Variants in CIAO2B observed in about 807,000 individuals in gnomAD.
CIAO2B encodes MSS19-interacting protein of 18 kDa.
A neutral mutation model predicts 16.4 loss-of-function variants in CIAO2B; 20 were observed. The observed-to-expected ratio is 1.22, with a 90% CI of 0.86 to 1.77. The LOEUF (loss-of-function observed/expected upper bound fraction) is 1.77. Among genes scored for constraint, CIAO2B ranks in the 40% most tolerant of loss-of-function variants. The pLI is 0.00. For synonymous variants in CIAO2B, 106 were observed against 90.4 expected, an observed-to-expected ratio of 1.17 and a Z score of -0.98; for missense variants, 215 against 222.4, an observed-to-expected ratio of 0.97 and a Z score of 0.21.
rs1002764377 is a variant in CIAO2B at position 66,932,782 on chromosome 16, G to A, written c.392C>T (p.Ala131Val). ...CCTCACCACCAGTCCACACTTACCT[G>A]CATGCTCTGAGGCATGGGTCCCCGG... The part of the protein sequence containing the change: ...ITPGTHASEH[A>V]VNKQLADKER... Residue 131 changes from alanine (A) to valine (V), a missense_variant and splice_region_variant, in exon 4 of 5, where the codon GCA becomes GTA. Ala to Val is a moderately conservative substitution (Grantham distance 64). Transcript: ENST00000422424. 6.2e-7 allele frequency: 1 copy of A among 1,610,386 alleles called. No individual in the cohort carries two copies. The highest frequency in any genetic ancestry group is 8.5e-7 in the Non-Finnish European group (1 of 1,178,392).
intron 2 of CIAO2B, 23 bp from the exon 3 acceptor site, chr16:66,933,762 A>G (rs768292955): frequency 3.9e-6 from 6 of 1,552,188 alleles, no homozygotes. Flanking sequence ...GAGAGATGTC[A>G]AGAGTCAACC....
Position 66,934,213 on chromosome 16 carries a change from C to A in CIAO2B, c.142+10G>T. 6.2e-7 allele frequency: 1 copy of A among 1,608,110 alleles called. No homozygotes were observed. Among genetic ancestry groups the A allele is most frequent in the Non-Finnish European group, 8.5e-7 (1 of 1,177,596 alleles). On this transcript the variant is annotated intron_variant, in intron 1 of 4. Coordinates refer to ENST00000422424, the MANE Select transcript of CIAO2B (RefSeq NM_016062.4). The surrounding 1 kb of genome is among the most constrained non-coding windows in gnomAD (Gnocchi z 4.1). ...CCCGGAACCCGCCCGCGCCCAGCAG[C>A]GGCGGATATCGAAGATCTCGCGTGC...
chr16:66,934,093 G>C lies in CIAO2B; in HGVS notation c.143-27C>G. The C allele has an allele frequency of 6.2e-7, 1 of 1,613,002 alleles. No homozygotes were observed. Among genetic ancestry groups the C allele is most frequent in the Non-Finnish European group, 8.5e-7 (1 of 1,179,572 alleles). On this transcript the variant is annotated intron_variant, in intron 1 of 4. Transcript: ENST00000422424. The surrounding 1 kb of genome is among the most constrained non-coding windows in gnomAD (Gnocchi z 4.1). ...TGGGAAGTGAAGGAAAAGGGACTCTGCGCCCTTGCCCACTTAGAACCCTCT... is the reference window on the plus strand; with the variant it reads ...TGGGAAGTGAAGGAAAAGGGACTCTCCGCCCTTGCCCACTTAGAACCCTCT...
chr16:66,932,561 G>C (rs1442098240), intron 4 of CIAO2B: 1 of 727,664 alleles, frequency 1.4e-6, no homozygotes, highest in African/African-American at 1.7e-5. Flanking sequence ...CTGTATATTT[G>C]GTGAGAGGGG....
At chr16:66,932,937 C>T in intron 3 of CIAO2B, 112 bp from the exon 4 acceptor site, 1 of 1,185,998 alleles carries the variant, frequency 8.4e-7, no homozygotes, top group African/African-American at 1.5e-5. Context: ...CTAATCATGC[C>T]TTTGGACTCT....
intron 3 of CIAO2B, 35 bp downstream of exon 3, chr16:66,933,579 C>T: frequency 6.2e-7 from 1 of 1,603,208 alleles, no homozygotes; most frequent in Non-Finnish European, 8.5e-7. Context: ...ACCCTCAATG[C>T]CTGGTCTCAC....
At position 66,932,784 on chromosome 16, in the gene CIAO2B, A is replaced by C. The variant is rs770087337; in HGVS notation, c.390T>G (p.His130Gln). 6.2e-6 allele frequency: 10 copies of C among 1,610,856 alleles called. No homozygotes were observed. Among genetic ancestry groups the C allele is most frequent in the South Asian group, 4.4e-5 (4 of 90,254 alleles). ...HITPGTHASE[H>Q]AVNKQLADKE... ...TCACCACCAGTCCACACTTACCTGC[A>C]TGCTCTGAGGCATGGGTCCCCGGAG... The change falls in exon 4 of 5, where the codon CAT becomes CAG. Residue 130 changes from histidine to glutamine, a missense_variant. Coordinates refer to ENST00000422424, the MANE Select transcript of CIAO2B (RefSeq NM_016062.4).
intron 2 of CIAO2B, 46 bp from the exon 3 acceptor site, chr16:66,933,785 A>G (rs1457537178): frequency 3.2e-6 from 5 of 1,548,600 alleles, no homozygotes; most frequent in Non-Finnish European, 4.4e-6. Context: ...CCTCAGCCCA[A>G]GGTCCCTCTT....
chr16:66,933,511 C>T, intron 3 of CIAO2B, 103 bp downstream of exon 3: 1 of 1,435,156 alleles, frequency 7.0e-7, no homozygotes, highest in African/African-American at 1.4e-5. Flanking sequence ...TCCTTCCAGG[C>T]CCCACTCTGA....
chr16:66,933,837 C>A, intron 2 of CIAO2B, 98 bp from the exon 3 acceptor site: 1 of 1,535,672 alleles, frequency 6.5e-7, no homozygotes, highest in Non-Finnish European at 8.8e-7. Context: ...CTTCTATGGG[C>A]CTCAGTTTCA....
At position 66,934,292 on chromosome 16, in the gene CIAO2B, C is replaced by G; in HGVS notation, c.73G>C (p.Glu25Gln). 1.2e-6 allele frequency: 2 copies of G among 1,608,186 alleles called. No homozygotes were observed. Among genetic ancestry groups the G allele is most frequent in the South Asian group, 1.1e-5 (1 of 90,928 alleles). ...TCCTCGCCTGCCGTCACAGGCCGCT[C>G]CCCAGAGCGCTGGTAGATGAGGGGG... is the stretch of plus-strand genomic sequence containing the variant. ...ANPLIYQRSG[E>Q]RPVTAGEEDE... is the part of the protein sequence containing the mutation. Residue 25 changes from glutamate to glutamine, a missense_variant, in exon 1 of 5, where the codon GAG becomes CAG. Glu to Gln is a conservative substitution (Grantham distance 29). Coordinates refer to ENST00000422424, the MANE Select transcript of CIAO2B (RefSeq NM_016062.4). The surrounding 1 kb of genome is among the most constrained non-coding windows in gnomAD (Gnocchi z 4.1).
rs745848779 is a variant in CIAO2B, at chr16:66,933,743, G to C, written c.223-4C>G. On this transcript the variant is annotated splice_region_variant and splice_polypyrimidine_tract_variant and intron_variant, in intron 2 of 4. Transcript: ENST00000422424. ...CTGTACTCTCGGGGTCGCTAACCTG[G>C]TTGTGGAGGAGAGATGTCAAGAGTC... 6.5e-7 allele frequency: 1 copy of C among 1,541,542 alleles called. No individual in the cohort carries two copies. The highest frequency in any genetic ancestry group is 8.8e-7 in the Non-Finnish European group (1 of 1,140,954).
chr16:66,933,296 T>C (rs947050525), intron 3 of CIAO2B, among the ~76,000 whole-genome samples: 5 of 152,188 alleles, frequency 3.3e-5, no homozygotes, highest in African/African-American at 7.2e-5. Context: ...GCCCTAGCTA[T>C]TCCAATTCTA....
rs1035279671 is a variant in CIAO2B at position 66,934,272 on chromosome 16, G to A, written c.93C>T (p.Gly31=). 6.8e-6 allele frequency: 11 copies of A among 1,608,626 alleles called. No individual in the cohort carries two copies. The highest frequency in any genetic ancestry group is 1.7e-5 in the Admixed American group (1 of 59,916). ...TGTCGGGAACCTGCTCGTCCTCCTC[G>A]CCTGCCGTCACAGGCCGCTCCCCAG... ...QRSGERPVTA[G]EEDEQVPDSI... is the part of the protein sequence containing the mutation. Residue 31 remains glycine, a synonymous_variant, in exon 1 of 5, where the codon GGC becomes GGT. Coordinates refer to ENST00000422424, the MANE Select transcript of CIAO2B (RefSeq NM_016062.4). The surrounding 1 kb of genome is among the most constrained non-coding windows in gnomAD (Gnocchi z 4.1).
chr16:66,933,428 T>G lies in CIAO2B; in HGVS notation c.348+186A>C. On this transcript the variant is annotated intron_variant, in intron 3 of 4. Coordinates refer to ENST00000422424, the MANE Select transcript of CIAO2B (RefSeq NM_016062.4). ...CACTCTTCAATACTTTTCTCCACTT[T>G]CCAGCTCAGATCTTTATTCTTGTCA... is the stretch of plus-strand genomic sequence containing the variant. The G allele has an allele frequency of 4.8e-6, 4 of 833,460 alleles. No individual in the cohort carries two copies. In the Admixed American group the frequency reaches 1.2e-4, roughly 24 times the overall value. The allele number at this position is 833,460 out of a possible 1,614,324, so 51.6% of individuals were successfully genotyped here.
chr16:66,932,959 T>G, intron 3 of CIAO2B, 134 bp from the exon 4 acceptor site: 1 of 926,360 alleles, frequency 1.1e-6, no homozygotes, highest in Non-Finnish European at 1.7e-6. Context: ...GCCCTTCCGT[T>G]ACACCCCAAA....
chr16:66,932,157 T>G lies in CIAO2B; in HGVS notation c.*46A>C. On this transcript the variant is annotated 3_prime_UTR_variant, in exon 5 of 5. Transcript: ENST00000422424. ...CAACGGTAACAGCCCTGGCAGGAGC[T>G]GGGACCAGGATACCAGTATGCAGGC... is the stretch of plus-strand genomic sequence containing the variant. The G allele has an allele frequency of 6.9e-7, 1 of 1,443,556 alleles. No individual in the cohort carries two copies. The highest frequency in any genetic ancestry group is 1.2e-5 in the South Asian group (1 of 83,980). The allele number at this position is 1,443,556 out of a possible 1,614,324, so 89.4% of individuals were successfully genotyped here.
chr16:66,932,625 G>A (rs558609788), intron 4 of CIAO2B, 155 bp downstream of exon 4: 143 of 890,786 alleles, frequency 1.6e-4, no homozygotes, highest in East Asian at 1.2e-3. Context: ...GGCCAGCTTC[G>A]GTCTAGGCTA....
At position 66,933,985 on chromosome 16, in the gene CIAO2B, A is replaced by C. The variant is rs1472905236; in HGVS notation, c.222+2T>G. On this transcript the variant is annotated splice_donor_variant, in intron 2 of 4. Coordinates refer to ENST00000422424, the MANE Select transcript of CIAO2B (RefSeq NM_016062.4). LOFTEE classifies it high-confidence loss of function. Reference sequence around the variant, plus strand: ...AACTCGCTCCCCTCGGAAGTGACTCACCTGAACCCGCACCTGCTCTACTAC... The same window carrying C: ...AACTCGCTCCCCTCGGAAGTGACTCCCCTGAACCCGCACCTGCTCTACTAC... 1 of 1,613,548 alleles carries C rather than the reference A, an allele frequency of 6.2e-7. No individual in the cohort carries two copies. The highest frequency in any genetic ancestry group is 1.7e-5 in the Admixed American group (1 of 59,986).
Sources: allele counts gnomAD v4.1 joint callset (sites outside exome capture counted in the v4.1 genomes callset), GRCh38; gene constraint gnomAD v4.1.1; non-coding constraint Gnocchi (gnomAD v3.1); transcripts MANE v1.5; gene names NCBI Gene and HGNC (gene_info 2026-07-23, HGNC 2026-07-21).